Variants in PTPRN2 observed in about 807,000 individuals in gnomAD.
The protein encoded by PTPRN2 is receptor-type tyrosine-protein phosphatase N2.
Under a neutral mutation model 118.8 loss-of-function variants are expected in PTPRN2, and 74 were observed. The observed-to-expected ratio is 0.62, with a 90% CI of 0.52 to 0.76. PTPRN2 has a LOEUF of 0.76. Among genes scored for constraint, PTPRN2 ranks in the 30% least tolerant of loss-of-function variants. PTPRN2 has a pLI of 0.00. For missense variants in PTPRN2, 1,481 were observed against 1,394.4 expected (o/e 1.06, Z -0.99); for synonymous variants, 641 against 608.0 (o/e 1.05, Z -0.80).
chr7:158,029,771 T>C (rs1033002502), intron 11 of PTPRN2: 1 of 147,460 alleles, frequency 6.8e-6, no homozygotes, highest in East Asian at 2.0e-4. Context: ...TGGAGGCTCC[T>C]GTCCTGCCCA....
intron 2 of PTPRN2, among the ~76,000 whole-genome samples, chr7:158,387,255 C>G (rs1466860869): frequency 6.6e-6 from 1 of 152,194 alleles, no homozygotes; most frequent in African/African-American, 2.4e-5. Flanking sequence ...TTCCATGAAA[C>G]TTTCAGAACT....
intron 5 of PTPRN2, among the ~76,000 whole-genome samples, chr7:158,169,811 C>G (rs183421356): frequency 1.2e-4 from 19 of 152,074 alleles, no homozygotes; most frequent in African/African-American, 4.6e-4. Context: ...CCTGCTTCAG[C>G]CTCCTGAGTA....
intron 12 of PTPRN2, among the ~76,000 whole-genome samples, chr7:157,776,044 A>ACCTCCTCCCTCT (rs1231918152): frequency 6.8e-6 from 1 of 146,356 alleles, no homozygotes; most frequent in Non-Finnish European, 1.5e-5. Flanking sequence ...AGGGGGCGTC[A>ACCTCCTCCCTCT]CCTCCTCCCT....
chr7:157,877,405 C>T (rs754383781), intron 12 of PTPRN2, among the ~76,000 whole-genome samples: 2 of 150,924 alleles, frequency 1.3e-5, no homozygotes, highest in Non-Finnish European at 1.5e-5. Context: ...AGTGCAGCGC[C>T]AGGGTTTCCT....
intron 3 of PTPRN2, among the ~76,000 whole-genome samples, chr7:158,256,105 T>C (rs890222652): frequency 1.3e-5 from 2 of 152,214 alleles, no homozygotes; most frequent in African/African-American, 4.8e-5. Context: ...CCGTGTCTAC[T>C]GCAGGACCTT....
intron 9 of PTPRN2, among the ~76,000 whole-genome samples, chr7:158,122,888 T>C (rs1817288774): frequency 7.2e-5 from 11 of 152,140 alleles, no homozygotes; most frequent in Admixed American, 7.2e-4. Context: ...ATAAAACTTC[T>C]CCACGTCTCA....
At chr7:157,642,738 T>C (rs1376927011) in intron 14 of PTPRN2, among the ~76,000 whole-genome samples, 3 of 146,644 alleles carry the variant, frequency 2.0e-5, no homozygotes, top group African/African-American at 7.6e-5. Context: ...CAAGTATGAG[T>C]TGGATGCTTG....
At chr7:157,738,348 G>A (rs530623117) in intron 12 of PTPRN2, among the ~76,000 whole-genome samples, 3 of 152,312 alleles carry the variant, frequency 2.0e-5, no homozygotes, top group African/African-American at 7.2e-5. Context: ...TTGAGAGCCT[G>A]ATACTGGCGT....
intron 11 of PTPRN2, among the ~76,000 whole-genome samples, chr7:158,002,103 C>A (rs1158494807): frequency 6.6e-6 from 1 of 152,202 alleles, no homozygotes; most frequent in Non-Finnish European, 1.5e-5. Context: ...CCAGCTCTGC[C>A]CCCCACCGAG....
At chr7:158,355,694 G>A (rs983323386) in intron 2 of PTPRN2, among the ~76,000 whole-genome samples, 2 of 152,196 alleles carry the variant, frequency 1.3e-5, no homozygotes, top group Admixed American at 6.5e-5. Context: ...AACTACACTG[G>A]CTGCATCCAA....
At chr7:157,962,732 A>G (rs1801635985) in intron 11 of PTPRN2, among the ~76,000 whole-genome samples, 1 of 152,152 alleles carries the variant, frequency 6.6e-6, no homozygotes, top group South Asian at 2.1e-4. Context: ...ACCTGTTCCT[A>G]TTACAGACAT....
rs759113127 is a variant in PTPRN2 at position 158,167,112 on chromosome 7, C to T, written c.729G>A (p.Met243Ile). The T allele has an allele frequency of 3.7e-6, 6 of 1,613,352 alleles. No individual in the cohort carries two copies. The highest frequency in any genetic ancestry group is 4.2e-6 in the Non-Finnish European group (5 of 1,179,728). Reference protein sequence around the residue: ...VDSGVDRHHLMAALSAYAAQR... With the variant: ...VDSGVDRHHLIAALSAYAAQR... Reference sequence around the variant, plus strand: ...GGGCAGCATAGGCACTGAGGGCCGCCATCAGATGGTGTCTGTCCACACCAC... The same window carrying T: ...GGGCAGCATAGGCACTGAGGGCCGCTATCAGATGGTGTCTGTCCACACCAC... Residue 243 changes from methionine (M) to isoleucine (I), a missense_variant, in exon 6 of 23, where the codon ATG becomes ATA. Coordinates refer to ENST00000389418, the MANE Select transcript of PTPRN2 (RefSeq NM_002847.5).
intron 11 of PTPRN2, among the ~76,000 whole-genome samples, chr7:158,026,751 G>A (rs1263573264): frequency 2.6e-5 from 4 of 152,154 alleles, no homozygotes; most frequent in Non-Finnish European, 4.4e-5. Flanking sequence ...CCACTCAGAC[G>A]TACAGGACAC....
At chr7:158,501,577 T>C (rs1477602288) in intron 1 of PTPRN2, among the ~76,000 whole-genome samples, 1 of 152,178 alleles carries the variant, frequency 6.6e-6, no homozygotes, top group Non-Finnish European at 1.5e-5. Flanking sequence ...AAGACAGCTC[T>C]GTCAGCAGTC....
At chr7:158,306,899 C>A (rs1801346950) in intron 3 of PTPRN2, among the ~76,000 whole-genome samples, 1 of 138,664 alleles carries the variant, frequency 7.2e-6, no homozygotes, top group Admixed American at 7.5e-5. Context: ...CAGAGTCTTG[C>A]TCTGTCATCC....
rs951976518 is a variant in PTPRN2, at chr7:157,550,484, C to T, written c.2903-1465G>A. ...CTGTCAGGACAGCCCCACAGCGGCT[C>T]CACCAGGGAGGCCGGGCGCGAGATG... On this transcript the variant is annotated intron_variant, in intron 21 of 22. Coordinates refer to ENST00000389418, the MANE Select transcript of PTPRN2 (RefSeq NM_002847.5). The surrounding 1 kb of genome is among the most constrained non-coding windows in gnomAD (Gnocchi z 5.2). Among the ~76,000 whole-genome samples the T allele has an allele frequency of 3.9e-5, 6 of 152,220 alleles. No individual in the cohort carries two copies. The highest frequency in any genetic ancestry group is 2.6e-4 in the Admixed American group (4 of 15,284).
At chr7:158,303,117 T>C (rs1315667528) in intron 3 of PTPRN2, among the ~76,000 whole-genome samples, 1 of 151,690 alleles carries the variant, frequency 6.6e-6, no homozygotes, top group East Asian at 1.9e-4. Context: ...TTTTCTAAAG[T>C]GTTGGCAATT....
rs1254073110 is a variant in PTPRN2, at chr7:157,990,546, G to C, written c.1723+90752C>G. Among the ~76,000 whole-genome samples, 11 of 152,272 alleles carry C rather than the reference G, an allele frequency of 7.2e-5. No individual in the cohort carries two copies. Among genetic ancestry groups the C allele is most frequent in the African/African-American group, 2.4e-4 (10 of 41,556 alleles). ...CTGCACCCACCTCTGGCAAGTTCTG[G>C]GCAGGGGGAGAGCGACACAAGGCAA... On this transcript the variant is annotated intron_variant, in intron 11 of 22. Transcript: ENST00000389418. The surrounding 1 kb of genome is among the most constrained non-coding windows in gnomAD (Gnocchi z 4.3).
At chr7:157,828,653 C>A (rs1053173376) in intron 12 of PTPRN2, among the ~76,000 whole-genome samples, 4 of 152,096 alleles carry the variant, frequency 2.6e-5, no homozygotes, top group Non-Finnish European at 5.9e-5. Context: ...ACTGCAGGTA[C>A]AAACAGTCAA....
Sources: gnomAD v4.1 joint callset for allele counts (sites outside exome capture counted in the v4.1 genomes callset) on GRCh38, gnomAD v4.1.1 for gene constraint, Gnocchi (gnomAD v3.1) non-coding constraint, MANE v1.5 for transcripts, NCBI Gene and HGNC (gene_info 2026-07-23, HGNC 2026-07-21) for gene names.